Variants in CSMD1 observed in about 807,000 individuals in gnomAD.
The protein encoded by CSMD1 is CUB and sushi domain-containing protein 1.
Under a neutral mutation model 417.5 loss-of-function variants are expected in CSMD1, and 213 were observed. The observed-to-expected ratio is 0.51, with a 90% CI of 0.46 to 0.57. The LOEUF (loss-of-function observed/expected upper bound fraction) is 0.57, where lower values mean the gene tolerates loss of function less well. CSMD1 is among the 20% of genes least tolerant of loss of function. CSMD1 has a pLI of 0.00. For synonymous variants in CSMD1, 2,862 were observed against 1,736.8 expected (o/e 1.65, Z -16.11); for missense variants, 6,923 against 4,529.7 (o/e 1.53, Z -15.17).
At chr8:4,946,575 G>A (rs1431206785) in intron 1 of CSMD1, among the ~76,000 whole-genome samples, 1 of 152,102 alleles carries the variant, frequency 6.6e-6, no homozygotes, top group Non-Finnish European at 1.5e-5. Flanking sequence ...CTGTATAAGT[G>A]AATAGAACAC....
In CSMD1 at chr8:3,753,678, C is replaced by T. The variant is rs143791094; in HGVS notation, c.931+252G>A. On this transcript the variant is annotated intron_variant, in intron 6 of 69. Transcript: ENST00000635120. ...AATTAAAATCAATGATAATAAATAGCTATTGATTAAAACTTAGCAATTGTT... is the reference window on the plus strand; with the variant it reads ...AATTAAAATCAATGATAATAAATAGTTATTGATTAAAACTTAGCAATTGTT... Among the ~76,000 whole-genome samples the T allele has an allele frequency of 3.3e-3, 504 of 152,212 alleles. 5 individuals are homozygous for T. The highest frequency in any genetic ancestry group is 0.027 in the Admixed American group (417 of 15,290).
intron 22 of CSMD1, among the ~76,000 whole-genome samples, chr8:3,346,203 G>GTT (rs35620062): frequency 6.6e-5 from 10 of 151,938 alleles, no homozygotes; most frequent in South Asian, 2.1e-4. Flanking sequence ...TGAGAAGCAC[G>GTT]TTTTTTTAAA....
intron 31 of CSMD1, among the ~76,000 whole-genome samples, chr8:3,202,533 G>A (rs1797043991): frequency 6.6e-6 from 1 of 152,148 alleles, no homozygotes; most frequent in African/African-American, 2.4e-5. Flanking sequence ...CGATACAGAG[G>A]GCCTTTATAT....
intron 2 of CSMD1, among the ~76,000 whole-genome samples, chr8:4,602,837 A>T (rs1288784348): frequency 6.6e-6 from 1 of 152,054 alleles, no homozygotes; most frequent in Non-Finnish European, 1.5e-5. Flanking sequence ...ATCCTGTATT[A>T]ATAAACAATA....
intron 3 of CSMD1, among the ~76,000 whole-genome samples, chr8:4,175,823 T>G (rs756930274): frequency 6.6e-6 from 1 of 152,158 alleles, no homozygotes; most frequent in East Asian, 1.9e-4. Context: ...TATAAAAGTA[T>G]GCAGAGTGAA....
intron 49 of CSMD1, among the ~76,000 whole-genome samples, chr8:3,072,068 T>C (rs1267860574): frequency 6.6e-6 from 1 of 152,214 alleles, no homozygotes; most frequent in Non-Finnish European, 1.5e-5. Flanking sequence ...GTCTAAGTTA[T>C]TTTTTAGAAG....
chr8:3,954,691 T>C (rs1402564418), intron 5 of CSMD1, among the ~76,000 whole-genome samples: 2 of 152,208 alleles, frequency 1.3e-5, no homozygotes, highest in Non-Finnish European at 2.9e-5. Flanking sequence ...GACTCCCCTC[T>C]TTCCCATGAT....
intron 3 of CSMD1, among the ~76,000 whole-genome samples, chr8:4,136,025 G>A (rs866315577): frequency 6.6e-6 from 1 of 151,720 alleles, no homozygotes; most frequent in African/African-American, 2.4e-5. Context: ...AAATATTATG[G>A]GTAAAAACCA....
chr8:4,910,699 G>A (rs1805604726), intron 1 of CSMD1, among the ~76,000 whole-genome samples: 1 of 152,120 alleles, frequency 6.6e-6, no homozygotes, highest in Non-Finnish European at 1.5e-5. Flanking sequence ...ATAGAAATGT[G>A]TTTTAAGATA....
intron 3 of CSMD1, among the ~76,000 whole-genome samples, chr8:4,105,245 A>G (rs987882107): frequency 5.9e-5 from 9 of 152,112 alleles, no homozygotes; most frequent in African/African-American, 2.2e-4. Context: ...AACCCTAAAT[A>G]TTGATCAACG....
At chr8:4,106,910 G>A (rs909744403) in intron 3 of CSMD1, among the ~76,000 whole-genome samples, 1 of 152,110 alleles carries the variant, frequency 6.6e-6, no homozygotes, top group East Asian at 1.9e-4. Flanking sequence ...CAAATCAATA[G>A]GCTTATTTAT....
At chr8:3,953,991 G>A (rs575436528) in intron 5 of CSMD1, among the ~76,000 whole-genome samples, 3 of 152,314 alleles carry the variant, frequency 2.0e-5, no homozygotes, top group South Asian at 2.1e-4. Flanking sequence ...TTCCTCTGGT[G>A]GTGATGCCTC....
chr8:3,266,338 G>C (rs1463771934), intron 26 of CSMD1, among the ~76,000 whole-genome samples: 1 of 151,806 alleles, frequency 6.6e-6, no homozygotes, highest in Non-Finnish European at 1.5e-5. Context: ...GGGCACAGTG[G>C]CTCACACCTG....
intron 1 of CSMD1, among the ~76,000 whole-genome samples, chr8:4,732,941 C>T (rs1043014982): frequency 3.3e-5 from 5 of 151,924 alleles, no homozygotes; most frequent in South Asian, 2.1e-4. Context: ...GCAGCAAGGG[C>T]GGAGAAGGAG....
intron 10 of CSMD1, among the ~76,000 whole-genome samples, chr8:3,547,712 G>A (rs1332719010): frequency 6.6e-6 from 1 of 152,046 alleles, no homozygotes; most frequent in Non-Finnish European, 1.5e-5. Flanking sequence ...CTACCTATAT[G>A]AAAAACAATA....
At chr8:4,096,165 G>C (rs372164740) in intron 3 of CSMD1, among the ~76,000 whole-genome samples, 2 of 152,136 alleles carry the variant, frequency 1.3e-5, no homozygotes, top group Non-Finnish European at 2.9e-5. Context: ...GGCTGACTAA[G>C]AGATCAGTTT....
intron 1 of CSMD1, among the ~76,000 whole-genome samples, chr8:4,913,281 G>C (rs1255245264): frequency 2.0e-5 from 3 of 152,158 alleles, no homozygotes; most frequent in Non-Finnish European, 4.4e-5. Flanking sequence ...CAGGTTTGTG[G>C]ATTCTATTGC....
At chr8:4,937,501 C>A (rs1295965899) in intron 1 of CSMD1, among the ~76,000 whole-genome samples, 1 of 152,058 alleles carries the variant, frequency 6.6e-6, no homozygotes, top group African/African-American at 2.4e-5. Context: ...ATTTACAAAG[C>A]ACAGAATGGT....
At chr8:3,068,619 G>C (rs1040702432) in intron 49 of CSMD1, among the ~76,000 whole-genome samples, 2 of 152,160 alleles carry the variant, frequency 1.3e-5, no homozygotes, top group African/African-American at 2.4e-5. Context: ...TTGGCTTCTG[G>C]GGAGGCCTTA....
Sources: gnomAD v4.1 joint callset for allele counts (sites outside exome capture counted in the v4.1 genomes callset) on GRCh38, gnomAD v4.1.1 for gene constraint, MANE v1.5 for transcripts, NCBI Gene and HGNC (gene_info 2026-07-23, HGNC 2026-07-21) for gene names.